H2AC17: variants seen among roughly 807,000 people sequenced by gnomAD.
H2AC17 encodes the protein H2A clustered histone 17, also known as histone H2A type 1.
A neutral mutation model predicts 6.3 loss-of-function variants in H2AC17; 10 were observed. That is an observed-to-expected ratio of 1.58 (90% CI 0.97 to 2.68). H2AC17 has a LOEUF of 2.68. Among genes scored for constraint, H2AC17 ranks in the 30% most tolerant of loss-of-function variants. The probability of loss-of-function intolerance (pLI) is 0.00; values close to 1 mark genes in which losing one functional copy is unlikely to be tolerated. For synonymous variants in H2AC17, 138 were observed against 78.3 expected (o/e 1.76, Z -4.02); for missense variants, 207 against 176.0 (o/e 1.18, Z -1.00).
chr6:27,892,887 A>T lies in H2AC17; in HGVS notation c.263T>A (p.Ile88Asn). 1 of 1,614,194 alleles carries T rather than the reference A, an allele frequency of 6.2e-7. No individual in the cohort carries two copies. Among genetic ancestry groups the T allele is most frequent in the South Asian group, 1.1e-5 (1 of 91,084 alleles). Residue 88 changes from isoleucine to asparagine, a missense_variant, in exon 1 of 1, where the codon ATC becomes AAC. By Grantham distance (149) the Ile-to-Asn change is moderately radical. This residue lies in a region of H2AC17 where 6 missense variants were observed against 22.6 expected (regional missense o/e 0.27). Transcript: ENST00000359611. Reference sequence around the variant, plus strand: ...CTTGTTGAGCTCCTCGTCGTTGCGGATGGCCAGCTGCAAGTGGCGCGGGAT... The same window carrying T: ...CTTGTTGAGCTCCTCGTCGTTGCGGTTGGCCAGCTGCAAGTGGCGCGGGAT... Reference protein sequence around the residue: ...RIIPRHLQLAIRNDEELNKLL... With the variant: ...RIIPRHLQLANRNDEELNKLL...
chr6:27,893,137 C>G lies in H2AC17; in HGVS notation c.13G>C (p.Gly5Arg), dbSNP rs757532231. The G allele has an allele frequency of 6.3e-7, 1 of 1,591,718 alleles. No individual in the cohort carries two copies. The highest frequency in any genetic ancestry group is 8.6e-7 in the Non-Finnish European group (1 of 1,169,508). Residue 5 changes from glycine to arginine, a missense_variant, in exon 1 of 1, where the codon GGC (glycine) becomes CGC (arginine). Gly to Arg is a moderately radical substitution (Grantham distance 125). Transcript: ENST00000359611. ...GCGCGAGCCTTGCCGCCCTGCTTGC[C>G]ACGTCCAGACATGGTAAAACGACCT... MSGR[G>R]KQGGKARAKA...
chr6:27,893,145 G>C lies in H2AC17; in HGVS notation c.5C>G (p.Ser2Cys). 1 of 1,586,810 alleles carries C rather than the reference G, an allele frequency of 6.3e-7. No individual in the cohort carries two copies. The highest frequency in any genetic ancestry group is 8.6e-7 in the Non-Finnish European group (1 of 1,167,414). M[S>C]GRGKQGGKAR... ...CTTGCCGCCCTGCTTGCCACGTCCAGACATGGTAAAACGACCTGTGGCCTA... is the reference window on the plus strand; with the variant it reads ...CTTGCCGCCCTGCTTGCCACGTCCACACATGGTAAAACGACCTGTGGCCTA... The change falls in exon 1 of 1, where the codon TCT becomes TGT. Residue 2 changes from serine (S) to cysteine (C), a missense_variant. Ser to Cys is a moderately radical substitution (Grantham distance 112). Coordinates refer to ENST00000359611, the MANE Select transcript of H2AC17 (RefSeq NM_003514.2).
At position 27,893,150 on chromosome 6, in the gene H2AC17, G is replaced by C; in HGVS notation, c.-1C>G. ...CGCCCTGCTTGCCACGTCCAGACAT[G>C]GTAAAACGACCTGTGGCCTAAGTCA... is the stretch of plus-strand genomic sequence containing the variant. On this transcript the variant is annotated 5_prime_UTR_variant, in exon 1 of 1. Transcript: ENST00000359611. The C allele has an allele frequency of 6.3e-7, 1 of 1,579,970 alleles. No homozygotes were observed. Among genetic ancestry groups the C allele is most frequent in the Non-Finnish European group, 8.6e-7 (1 of 1,164,638 alleles).
Position 27,893,043 on chromosome 6 carries a change from C to A in H2AC17, c.107G>T (p.Arg36Leu), listed in dbSNP as rs772814072. The A allele has an allele frequency of 6.2e-6, 10 of 1,614,074 alleles. No homozygotes were observed. Among genetic ancestry groups the A allele is most frequent in the South Asian group, 1.1e-5 (1 of 91,072 alleles). ...GACCCGCTCAGCGTAGTTGCCCTTG[C>A]GGAGCAGGCGGTGCACTCGTCCTAC... is the stretch of plus-strand genomic sequence containing the variant. ...FPVGRVHRLLRKGNYAERVGA... is the reference protein window; with the variant it reads ...FPVGRVHRLLLKGNYAERVGA... Residue 36 changes from arginine (R) to leucine (L), a missense_variant, in exon 1 of 1, where the codon CGC becomes CTC. Physicochemically the swap from Arg to Leu is moderately radical, Grantham distance 102. Around this residue, in one of 3 missense-constraint regions of H2AC17, gnomAD observed 148 missense variants for 106.0 expected, o/e 1.40. Transcript: ENST00000359611.
Position 27,893,108 on chromosome 6 carries a change from C to T in H2AC17, c.42G>A (p.Lys14=), listed in dbSNP as rs537119032. The T allele has an allele frequency of 6.2e-6, 10 of 1,609,642 alleles. No individual in the cohort carries two copies. The highest frequency in any genetic ancestry group is 3.4e-5 in the Admixed American group (2 of 59,356). ...RGKQGGKARA[K]AKTRSSRAGL... is the part of the protein sequence containing the mutation. ...CAGCTCTAGAGGAGCGGGTTTTGGC[C>T]TTGGCGCGAGCCTTGCCGCCCTGCT... is the stretch of plus-strand genomic sequence containing the variant. The change falls in exon 1 of 1, where the codon AAG becomes AAA. Residue 14 remains lysine (K), a synonymous_variant. Coordinates refer to ENST00000359611, the MANE Select transcript of H2AC17 (RefSeq NM_003514.2).
At position 27,892,934 on chromosome 6, in the gene H2AC17, G is replaced by C. The variant is rs200200811; in HGVS notation, c.216C>G (p.Arg72=). ...EILELAGNAA[R]DNKKTRIIPR... ...GGATGATGCGGGTCTTTTTGTTGTC[G>C]CGGGCTGCGTTGCCCGCCAGCTCCA... is the stretch of plus-strand genomic sequence containing the variant. The change falls in exon 1 of 1, where the codon CGC becomes CGG. Residue 72 remains arginine (R), a synonymous_variant. Coordinates refer to ENST00000359611, the MANE Select transcript of H2AC17 (RefSeq NM_003514.2). 479 of 1,614,180 alleles carry C rather than the reference G, an allele frequency of 3.0e-4. 2 individuals are homozygous for C. The Admixed American group carries it at 7.6e-3, about 26-fold the overall frequency.
chr6:27,893,054 G>A lies in H2AC17; in HGVS notation c.96C>T (p.His32=), dbSNP rs755015486. 21 of 1,613,942 alleles carry A rather than the reference G, an allele frequency of 1.3e-5. No homozygotes were observed. Among genetic ancestry groups the A allele is most frequent in the South Asian group, 1.2e-4 (11 of 91,080 alleles). The part of the protein sequence containing the change: ...AGLQFPVGRV[H]RLLRKGNYAE... Reference sequence around the variant, plus strand: ...CGTAGTTGCCCTTGCGGAGCAGGCGGTGCACTCGTCCTACAGGAAATTGGA... The same window carrying A: ...CGTAGTTGCCCTTGCGGAGCAGGCGATGCACTCGTCCTACAGGAAATTGGA... The change falls in exon 1 of 1, where the codon CAC becomes CAT. Residue 32 remains histidine, a synonymous_variant. Coordinates refer to ENST00000359611, the MANE Select transcript of H2AC17 (RefSeq NM_003514.2).
In H2AC17 at chr6:27,893,181, T is replaced by C. The variant is rs1282212669; in HGVS notation, c.-32A>G. ...ACGACCTGTGGCCTAAGTCAGAAAG[T>C]GAGTGAAAGGAACCTACAGGGACGC... On this transcript the variant is annotated 5_prime_UTR_variant, in exon 1 of 1. Coordinates refer to ENST00000359611, the MANE Select transcript of H2AC17 (RefSeq NM_003514.2). The C allele has an allele frequency of 1.3e-6, 2 of 1,543,002 alleles. No individual in the cohort carries two copies. Among genetic ancestry groups the C allele is most frequent in the Non-Finnish European group, 8.7e-7 (1 of 1,149,100 alleles).
At position 27,892,801 on chromosome 6, in the gene H2AC17, G is replaced by A. The variant is rs747129172; in HGVS notation, c.349C>T (p.Leu117Phe). ...TGGTGGCTCTCAGTCTTCTTGGGGA[G>A]CAGTACGGCCTGGATGTTAGGCAGA... ...GVLPNIQAVL[L>F]PKKTESHHKA... is the part of the protein sequence containing the mutation. Residue 117 changes from leucine to phenylalanine, a missense_variant, in exon 1 of 1, where the codon CTC (leucine) becomes TTC (phenylalanine). Leu to Phe is a conservative substitution (Grantham distance 22, BLOSUM62 0). Coordinates refer to ENST00000359611, the MANE Select transcript of H2AC17 (RefSeq NM_003514.2). 6.2e-7 allele frequency: 1 copy of A among 1,614,208 alleles called. No individual in the cohort carries two copies. Among genetic ancestry groups the A allele is most frequent in the Non-Finnish European group, 8.5e-7 (1 of 1,180,038 alleles).
At position 27,892,771 on chromosome 6, in the gene H2AC17, C is replaced by G. The variant is rs191325870; in HGVS notation, c.379G>C (p.Ala127Pro). 1.9e-6 allele frequency: 3 copies of G among 1,614,180 alleles called. No individual in the cohort carries two copies. The highest frequency in any genetic ancestry group is 2.2e-5 in the East Asian group (1 of 44,890). ...LPKKTESHHKAKGK is the reference protein window; with the variant it reads ...LPKKTESHHKPKGK The stretch of plus-strand genomic sequence containing the variant: ...AAGTTCAGCCCTTACTTGCCCTTAG[C>G]TTTGTGGTGGCTCTCAGTCTTCTTG... Residue 127 changes from alanine to proline, a missense_variant, in exon 1 of 1, where the codon GCT becomes CCT. By Grantham distance (27) the Ala-to-Pro change is conservative. Around this residue, in one of 3 missense-constraint regions of H2AC17, gnomAD observed 53 missense variants for 47.3 expected, o/e 1.12. Transcript: ENST00000359611.
Position 27,892,775 on chromosome 6 carries a change from G to C in H2AC17, c.375C>G (p.His125Gln). 1 of 1,614,048 alleles carries C rather than the reference G, an allele frequency of 6.2e-7. No homozygotes were observed. Among genetic ancestry groups the C allele is most frequent in the Non-Finnish European group, 8.5e-7 (1 of 1,180,038 alleles). Residue 125 changes from histidine (H) to glutamine (Q), a missense_variant, in exon 1 of 1, where the codon CAC becomes CAG. Around this residue, in one of 3 missense-constraint regions of H2AC17, gnomAD observed 53 missense variants for 47.3 expected, o/e 1.12. Coordinates refer to ENST00000359611, the MANE Select transcript of H2AC17 (RefSeq NM_003514.2). ...TCAGCCCTTACTTGCCCTTAGCTTT[G>C]TGGTGGCTCTCAGTCTTCTTGGGGA... is the stretch of plus-strand genomic sequence containing the variant. Reference protein sequence around the residue: ...VLLPKKTESHHKAKGK With the variant: ...VLLPKKTESHQKAKGK
rs766638952 is a variant in H2AC17 at position 27,892,910 on chromosome 6, G to A, written c.240C>T (p.Ile80=). 13 of 1,614,180 alleles carry A rather than the reference G, an allele frequency of 8.1e-6. No individual in the cohort carries two copies. The highest frequency in any genetic ancestry group is 5.0e-5 in the Admixed American group (3 of 60,030). ...AARDNKKTRI[I]PRHLQLAIRN... Reference sequence around the variant, plus strand: ...GGATGGCCAGCTGCAAGTGGCGCGGGATGATGCGGGTCTTTTTGTTGTCGC... The same window carrying A: ...GGATGGCCAGCTGCAAGTGGCGCGGAATGATGCGGGTCTTTTTGTTGTCGC... Residue 80 remains isoleucine, a synonymous_variant, in exon 1 of 1, where the codon ATC becomes ATT. Coordinates refer to ENST00000359611, the MANE Select transcript of H2AC17 (RefSeq NM_003514.2).
Position 27,892,747 on chromosome 6 carries a change from A to T in H2AC17, c.*10T>A. Reference sequence around the variant, plus strand: ...TTGTCTTGTAAGTTTACATTTTTAAAGTTCAGCCCTTACTTGCCCTTAGCT... The same window carrying T: ...TTGTCTTGTAAGTTTACATTTTTAATGTTCAGCCCTTACTTGCCCTTAGCT... On this transcript the variant is annotated 3_prime_UTR_variant, in exon 1 of 1. Coordinates refer to ENST00000359611, the MANE Select transcript of H2AC17 (RefSeq NM_003514.2). 1 of 1,611,812 alleles carries T rather than the reference A, an allele frequency of 6.2e-7. No individual in the cohort carries two copies. Among genetic ancestry groups the T allele is most frequent in the East Asian group, 2.2e-5 (1 of 44,862 alleles).
rs61742479 is a variant in H2AC17, at chr6:27,892,766, C to G, written c.384G>C (p.Lys128Asn). The change falls in exon 1 of 1, where the codon AAG becomes AAC. Residue 128 changes from lysine to asparagine, a missense_variant. Transcript: ENST00000359611. ...TTTTAAAGTTCAGCCCTTACTTGCC[C>G]TTAGCTTTGTGGTGGCTCTCAGTCT... ...PKKTESHHKA[K>N]GK The G allele has an allele frequency of 1.2e-6, 2 of 1,613,860 alleles. No individual in the cohort carries two copies. Among genetic ancestry groups the G allele is most frequent in the African/African-American group, 2.7e-5 (2 of 74,772 alleles).
In H2AC17 at chr6:27,892,778, G is replaced by C; in HGVS notation, c.372C>G (p.His124Gln). 1.2e-6 allele frequency: 2 copies of C among 1,614,078 alleles called. No individual in the cohort carries two copies. The highest frequency in any genetic ancestry group is 2.2e-5 in the East Asian group (1 of 44,882). ...GCCCTTACTTGCCCTTAGCTTTGTG[G>C]TGGCTCTCAGTCTTCTTGGGGAGCA... ...AVLLPKKTES[H>Q]HKAKGK The change falls in exon 1 of 1, where the codon CAC becomes CAG. Residue 124 changes from histidine (H) to glutamine (Q), a missense_variant. This residue lies in a region of H2AC17 where 53 missense variants were observed against 47.3 expected (regional missense o/e 1.12). Transcript: ENST00000359611.
rs768267900 is a variant in H2AC17 at position 27,893,090 on chromosome 6, A to G, written c.60T>C (p.Ser20=). The G allele has an allele frequency of 1.9e-6, 3 of 1,613,048 alleles. No individual in the cohort carries two copies. Among genetic ancestry groups the G allele is most frequent in the South Asian group, 1.1e-5 (1 of 91,034 alleles). ...CTACAGGAAATTGGAGCCCAGCTCT[A>G]GAGGAGCGGGTTTTGGCCTTGGCGC... ...KARAKAKTRS[S]RAGLQFPVGR... is the part of the protein sequence containing the mutation. The change falls in exon 1 of 1, where the codon TCT becomes TCC. Residue 20 remains serine, a synonymous_variant. Transcript: ENST00000359611.
At position 27,892,721 on chromosome 6, in the gene H2AC17, TTTGTC is replaced by T. The variant is rs746916343; in HGVS notation, c.*31_*35del. The T allele has an allele frequency of 6.8e-6, 11 of 1,610,130 alleles. No individual in the cohort carries two copies. The South Asian group carries it at 1.1e-4, about 16-fold the overall frequency. The stretch of plus-strand genomic sequence containing the variant: ...TGGTGGGTGGCTCTGAAAAGAGCCT[TTTGTC>T]TTGTAAGTTTACATTTTTAAAGTTC... On this transcript the variant is annotated 3_prime_UTR_variant, in exon 1 of 1. Coordinates refer to ENST00000359611, the MANE Select transcript of H2AC17 (RefSeq NM_003514.2).
At position 27,893,061 on chromosome 6, in the gene H2AC17, C is replaced by T; in HGVS notation, c.89G>A (p.Arg30Gln). 1 of 1,613,996 alleles carries T rather than the reference C, an allele frequency of 6.2e-7. No individual in the cohort carries two copies. Among genetic ancestry groups the T allele is most frequent in the East Asian group, 2.2e-5 (1 of 44,854 alleles). The change falls in exon 1 of 1, where the codon CGA becomes CAA. Residue 30 changes from arginine to glutamine, a missense_variant. Coordinates refer to ENST00000359611, the MANE Select transcript of H2AC17 (RefSeq NM_003514.2). ...GCCCTTGCGGAGCAGGCGGTGCACT[C>T]GTCCTACAGGAAATTGGAGCCCAGC... is the stretch of plus-strand genomic sequence containing the variant. ...SRAGLQFPVG[R>Q]VHRLLRKGNY...
rs778122901 is a variant in H2AC17 at position 27,892,787 on chromosome 6, A to G, written c.363T>C (p.Thr121=). The G allele has an allele frequency of 6.2e-7, 1 of 1,614,100 alleles. No homozygotes were observed. Among genetic ancestry groups the G allele is most frequent in the Non-Finnish European group, 8.5e-7 (1 of 1,180,018 alleles). ...TGCCCTTAGCTTTGTGGTGGCTCTC[A>G]GTCTTCTTGGGGAGCAGTACGGCCT... The part of the protein sequence containing the change: ...NIQAVLLPKK[T]ESHHKAKGK The change falls in exon 1 of 1, where the codon ACT becomes ACC. Residue 121 remains threonine (T), a synonymous_variant. Coordinates refer to ENST00000359611, the MANE Select transcript of H2AC17 (RefSeq NM_003514.2).
Sources: gnomAD v4.1 joint callset for allele counts on GRCh38, gnomAD v4.1.1 for gene constraint, gnomAD v4.1.1 regional missense constraint, MANE v1.5 for transcripts, NCBI Gene and HGNC (gene_info 2026-07-23, HGNC 2026-07-21) for gene names.